RFX3: variants seen among roughly 807,000 people sequenced by gnomAD.
RFX3 encodes transcription factor RFX3.
RFX3 carries 14 observed loss-of-function variants against 98.6 expected under a neutral mutation model. The ratio of observed to expected loss-of-function variants is 0.14; its 90% CI spans 0.09 to 0.22. The LOEUF is 0.22. RFX3 is among the 10% of genes least tolerant of loss of function. The pLI is 1.00. For synonymous variants in RFX3, 383 were observed against 328.4 expected (o/e 1.17, Z -1.80); for missense variants, 639 against 926.9 (o/e 0.69, Z 4.03).
At chr9:3,338,895 G>A (rs887967340) in intron 3 of RFX3, among the ~76,000 whole-genome samples, 2 of 152,024 alleles carry the variant, frequency 1.3e-5, no homozygotes, top group African/African-American at 4.8e-5. Context: ...CGAGACCACC[G>A]TGGCCAATAT....
chr9:3,521,595 T>C (rs761864754), intron 1 of RFX3, among the ~76,000 whole-genome samples: 47 of 152,182 alleles, frequency 3.1e-4, no homozygotes, highest in Non-Finnish European at 5.6e-4. Context: ...TAGAAATCAA[T>C]AGGTTGATAG....
intron 5 of RFX3, 34 bp from the exon 6 acceptor site, chr9:3,293,292 T>A (rs1182459625): frequency 7.9e-6 from 12 of 1,524,146 alleles, no homozygotes; most frequent in Non-Finnish European, 1.1e-5. Flanking sequence ...CACAGACAAA[T>A]CACATAATTT....
chr9:3,506,187 G>A (rs12338454), intron 1 of RFX3, among the ~76,000 whole-genome samples: 1 of 149,672 alleles, frequency 6.7e-6, no homozygotes, highest in Non-Finnish European at 1.5e-5. Context: ...GGGCTGGATA[G>A]ATTTATGAAG....
intron 15 of RFX3, among the ~76,000 whole-genome samples, chr9:3,242,916 T>C (rs1420784524): frequency 1.3e-5 from 2 of 151,956 alleles, no homozygotes; most frequent in South Asian, 2.1e-4. Flanking sequence ...ATATTAAGTA[T>C]AATTAAATTA....
At chr9:3,417,162 A>T (rs1270682061) in intron 1 of RFX3, among the ~76,000 whole-genome samples, 3 of 152,074 alleles carry the variant, frequency 2.0e-5, no homozygotes, top group African/African-American at 7.2e-5. Flanking sequence ...AACAATCCTA[A>T]ATGTTTATGT....
intron 1 of RFX3, among the ~76,000 whole-genome samples, chr9:3,501,846 C>G (rs564116897): frequency 6.6e-6 from 1 of 151,566 alleles, no homozygotes; most frequent in Non-Finnish European, 1.5e-5. Context: ...TGTGAGCCAC[C>G]GTGCCCTGCC....
intron 3 of RFX3, among the ~76,000 whole-genome samples, chr9:3,332,171 G>A (rs1003032781): frequency 6.6e-6 from 1 of 152,044 alleles, no homozygotes; most frequent in Non-Finnish European, 1.5e-5. Context: ...TATTATACAG[G>A]CTGAGAATAC....
chr9:3,358,092 T>C (rs773927835), intron 2 of RFX3, among the ~76,000 whole-genome samples: 3 of 152,110 alleles, frequency 2.0e-5, no homozygotes, highest in African/African-American at 4.8e-5. Context: ...CTTGTGCTGA[T>C]ACTGGATATT....
intron 1 of RFX3, among the ~76,000 whole-genome samples, chr9:3,400,569 T>C (rs1386410009): frequency 6.6e-6 from 1 of 152,224 alleles, no homozygotes; most frequent in Non-Finnish European, 1.5e-5. Context: ...TAGTCTCTCT[T>C]TTGTGTCTCC....
At chr9:3,506,186 A>G (rs1384936307) in intron 1 of RFX3, among the ~76,000 whole-genome samples, 1 of 151,548 alleles carries the variant, frequency 6.6e-6, no homozygotes. Context: ...AGGGCTGGAT[A>G]GATTTATGAA....
intron 7 of RFX3, among the ~76,000 whole-genome samples, chr9:3,287,377 G>T (rs920028575): frequency 6.6e-6 from 1 of 151,878 alleles, no homozygotes; most frequent in African/African-American, 2.4e-5. Flanking sequence ...TGGTAAAGAG[G>T]AAAGGATTTT....
chr9:3,463,452 T>A (rs903542487), intron 1 of RFX3, among the ~76,000 whole-genome samples: 1 of 151,822 alleles, frequency 6.6e-6, no homozygotes, highest in African/African-American at 2.4e-5. Context: ...TAGATAAAAA[T>A]CTTTAGCACT....
intron 1 of RFX3, among the ~76,000 whole-genome samples, chr9:3,523,557 G>A (rs2133954282): frequency 6.6e-6 from 1 of 152,178 alleles, no homozygotes; most frequent in Admixed American, 6.5e-5. Context: ...TGAGTGAAAT[G>A]CCTCAAAAAA....
rs1285709438 is a variant in RFX3 at position 3,357,313 on chromosome 9, T to C, written c.118-10549A>G. On this transcript the variant is annotated intron_variant, in intron 2 of 16. Coordinates refer to ENST00000617270, the MANE Select transcript of RFX3 (RefSeq NM_001282116.2). ...ATTCTTGCTACCTTCTCATCGCTTATATTGTTTTCTCTACATAAATTATCT... is the reference window on the plus strand; with the variant it reads ...ATTCTTGCTACCTTCTCATCGCTTACATTGTTTTCTCTACATAAATTATCT... 2.6e-5 allele frequency among the ~76,000 whole-genome samples: 4 copies of C among 152,156 alleles called. No homozygotes were observed. The East Asian group carries it at 7.7e-4, about 29-fold the overall frequency.
chr9:3,496,444 T>C (rs1851114686), intron 1 of RFX3, among the ~76,000 whole-genome samples: 1 of 152,102 alleles, frequency 6.6e-6, no homozygotes, highest in African/African-American at 2.4e-5. Context: ...TTGAAAACAA[T>C]TTTGTTTCTG....
At chr9:3,401,679 CT>C (rs1841482873) in intron 1 of RFX3, among the ~76,000 whole-genome samples, 1 of 152,158 alleles carries the variant, frequency 6.6e-6, no homozygotes, top group South Asian at 2.1e-4. Context: ...TCTAGTCATC[CT>C]CGCCTAATGT....
chr9:3,300,332 G>A (rs1206011792), intron 5 of RFX3, among the ~76,000 whole-genome samples: 1 of 151,498 alleles, frequency 6.6e-6, no homozygotes, highest in Non-Finnish European at 1.5e-5. Flanking sequence ...AAATTTATAG[G>A]CATTCTCCAA....
chr9:3,500,751 T>C (rs902679154), intron 1 of RFX3, among the ~76,000 whole-genome samples: 15 of 152,132 alleles, frequency 9.9e-5, no homozygotes, highest in Non-Finnish European at 2.1e-4. Context: ...AATAAAGTTA[T>C]TAAAGTCAGA....
intron 5 of RFX3, among the ~76,000 whole-genome samples, chr9:3,300,104 C>T (rs189830018): frequency 2.0e-5 from 3 of 151,458 alleles, no homozygotes; most frequent in East Asian, 3.9e-4. Flanking sequence ...ATCATCACCC[C>T]CCGGACACAC....
Sources: allele counts gnomAD v4.1 joint callset (sites outside exome capture counted in the v4.1 genomes callset), GRCh38; gene constraint gnomAD v4.1.1; transcripts MANE v1.5; gene names NCBI Gene and HGNC (gene_info 2026-07-23, HGNC 2026-07-21).